C9orf72: variants seen among roughly 807,000 people sequenced by gnomAD.
The protein encoded by C9orf72 is C9orf72-SMCR8 complex subunit, also known as guanine nucleotide exchange factor C9orf72.
In C9orf72, 44 loss-of-function variants were observed where a neutral mutation model predicts 51.6. That is an observed-to-expected ratio of 0.85 (90% confidence interval 0.67 to 1.10). The LOEUF (loss-of-function observed/expected upper bound fraction) is 1.10. C9orf72 is among the 50% of genes least tolerant of loss of function. The pLI, the probability that C9orf72 is intolerant of heterozygous loss-of-function variation, is 0.00. For synonymous variants in C9orf72, 213 were observed against 194.2 expected (o/e 1.10, Z -0.81); for missense variants, 607 against 570.6 (o/e 1.06, Z -0.65).
intron 1 of C9orf72, among the ~76,000 whole-genome samples, chr9:27,573,070 C>G (rs1342793881): frequency 6.6e-6 from 1 of 152,140 alleles, no homozygotes; most frequent in East Asian, 1.9e-4. Flanking sequence ...TTCCCCCAGG[C>G]GAGGCCTCTC....
At chr9:27,558,715 A>T (rs1819269866) in intron 6 of C9orf72, 108 bp from the exon 7 acceptor site, 1 of 608,510 alleles carries the variant, frequency 1.6e-6, no homozygotes, top group Non-Finnish European at 2.8e-6. Flanking sequence ...AACATATCCT[A>T]AGAAATAAGT....
Position 27,558,591 on chromosome 9 carries a change from C to A in C9orf72, c.755G>T (p.Cys252Phe). The A allele has an allele frequency of 2.5e-6, 4 of 1,584,450 alleles. No homozygotes were observed. Among genetic ancestry groups the A allele is most frequent in the Non-Finnish European group, 3.4e-6 (4 of 1,161,802 alleles). Reference sequence around the variant, plus strand: ...TCTCTCTGCTGGAGTCAGAAAAAGGCATAATGTTCTGACTATCTATAAAAG... The same window carrying A: ...TCTCTCTGCTGGAGTCAGAAAAAGGAATAATGTTCTGACTATCTATAAAAG... ...EKVNKIVRTL[C>F]LFLTPAERKC... Residue 252 changes from cysteine (C) to phenylalanine (F), a missense_variant, in exon 7 of 11, where the codon TGC becomes TTC. Cys to Phe is a radical substitution (Grantham distance 205). Transcript: ENST00000380003.
At chr9:27,572,902 A>G (rs1381343897) in intron 1 of C9orf72, among the ~76,000 whole-genome samples, 1 of 152,306 alleles carries the variant, frequency 6.6e-6, no homozygotes. Flanking sequence ...CTCATATGCA[A>G]GTCATCACCA....
At position 27,573,436 on chromosome 9, in the gene C9orf72, C is replaced by A. The variant is rs974012892; in HGVS notation, c.-50G>T. ...GATGCCGCCTCCTCACTCACCCACT[C>A]GCCACCGCCTGCGCCTCCGCCGCCG... On this transcript the variant is annotated 5_prime_UTR_variant, in exon 1 of 11. Coordinates refer to ENST00000380003, the MANE Select transcript of C9orf72 (RefSeq NM_018325.5). The A allele has an allele frequency of 6.6e-6, 1 of 151,086 alleles. No individual in the cohort carries two copies. Among genetic ancestry groups the A allele is most frequent in the South Asian group, 1.8e-4 (1 of 5,406 alleles). 9.4% of individuals were successfully genotyped at this position (151,086 alleles called of 1,614,324 possible).
At chr9:27,550,547 T>G in intron 9 of C9orf72, 103 bp downstream of exon 9, 1 of 664,128 alleles carries the variant, frequency 1.5e-6, no homozygotes, top group South Asian at 2.4e-5. Context: ...CTCTGGGGCA[T>G]GATCCAGGGG....
chr9:27,565,987 T>G (rs1480424972), intron 2 of C9orf72, among the ~76,000 whole-genome samples: 1 of 152,190 alleles, frequency 6.6e-6, no homozygotes, highest in Non-Finnish European at 1.5e-5. Context: ...TAAAAAATTA[T>G]TCTTTTAAAA....
chr9:27,558,398 T>C (rs992948437), intron 7 of C9orf72, 93 bp downstream of exon 7: 7 of 746,072 alleles, frequency 9.4e-6, no homozygotes, highest in Non-Finnish European at 1.6e-5. Context: ...CAATATGAGA[T>C]ACATTAAATG....
chr9:27,552,592 G>C (rs931417864), intron 8 of C9orf72, among the ~76,000 whole-genome samples: 16 of 139,324 alleles, frequency 1.1e-4, no homozygotes, highest in Admixed American at 1.1e-3. Flanking sequence ...CTGGGCTTAA[G>C]AGATATGCCC....
At chr9:27,554,983 A>G (rs1820980440) in intron 8 of C9orf72, among the ~76,000 whole-genome samples, 1 of 152,216 alleles carries the variant, frequency 6.6e-6, no homozygotes, top group South Asian at 2.1e-4. Flanking sequence ...TAAAATACAC[A>G]TACATCCTCT....
chr9:27,572,414 T>C (rs865803354), intron 1 of C9orf72, among the ~76,000 whole-genome samples: 25 of 152,152 alleles, frequency 1.6e-4, no homozygotes, highest in Admixed American at 6.5e-4. Flanking sequence ...ATTCACAGAT[T>C]ATGTTAAAAG....
At chr9:27,565,323 G>T (rs952058951) in intron 3 of C9orf72, among the ~76,000 whole-genome samples, 2 of 151,840 alleles carry the variant, frequency 1.3e-5, no homozygotes, top group African/African-American at 4.8e-5. Context: ...TTAATTTGTA[G>T]ATGCAATTAC....
intron 9 of C9orf72, 67 bp downstream of exon 9, chr9:27,550,583 G>A: frequency 2.1e-6 from 2 of 970,618 alleles, no homozygotes; most frequent in Non-Finnish European, 3.2e-6. Context: ...AACAGGCATT[G>A]TAGGATATAT....
At position 27,559,398 on chromosome 9, in the gene C9orf72, GA is replaced by G. The variant is rs1819286794; in HGVS notation, c.739-792del. ...AGCCACCTGTTTGAGGTAACAGAAG[GA>G]ATAAGGTCACTAGTTCGTAGATGCA... On this transcript the variant is annotated intron_variant, in intron 6 of 10. Transcript: ENST00000380003. The G allele has an allele frequency of 2.0e-5, 3 of 151,946 alleles. 1 individual carries two copies. Among genetic ancestry groups the G allele is most frequent in the Admixed American group, 2.0e-4 (3 of 15,218 alleles). 9.4% of individuals were successfully genotyped at this position (151,946 alleles called of 1,614,324 possible). A position where few individuals can be genotyped will look rare whatever the true frequency, so the allele number is the denominator to read the frequency against.
Position 27,560,237 on chromosome 9 carries a change from T to A in C9orf72, c.728A>T (p.Lys243Ile). Residue 243 changes from lysine to isoleucine, a missense_variant, in exon 6 of 11, where the codon AAA becomes ATA. By Grantham distance (102) the Lys-to-Ile change is moderately radical. Transcript: ENST00000380003. ...CSVVVGSSAE[K>I]VNKIVRTLCL... ...TATAAAATAAACTACCTTATTTACTTTCTCTGCACTGCTACCTACTACAAC... is the reference window on the plus strand; with the variant it reads ...TATAAAATAAACTACCTTATTTACTATCTCTGCACTGCTACCTACTACAAC... 6.2e-7 allele frequency: 1 copy of A among 1,604,292 alleles called. No individual in the cohort carries two copies. The highest frequency in any genetic ancestry group is 1.1e-5 in the South Asian group (1 of 89,928).
intron 3 of C9orf72, among the ~76,000 whole-genome samples, chr9:27,563,055 A>C (rs1445171244): frequency 6.6e-6 from 1 of 150,722 alleles, no homozygotes; most frequent in African/African-American, 2.4e-5. Flanking sequence ...AAAGGTCATC[A>C]ATATATTTCA....
chr9:27,572,007 C>T (rs1819596595), intron 1 of C9orf72, among the ~76,000 whole-genome samples: 1 of 152,200 alleles, frequency 6.6e-6, no homozygotes, highest in South Asian at 2.1e-4. Flanking sequence ...CTAACCTAGT[C>T]CTCCTGGGAA....
chr9:27,562,790 T>C (rs1220828380), intron 3 of C9orf72, among the ~76,000 whole-genome samples: 2 of 151,790 alleles, frequency 1.3e-5, no homozygotes, highest in East Asian at 3.9e-4. Flanking sequence ...TCCTGTCTCA[T>C]CCTCCCAAGT....
intron 8 of C9orf72, among the ~76,000 whole-genome samples, chr9:27,555,737 A>AT (rs1041439844): frequency 7.9e-5 from 12 of 151,694 alleles, no homozygotes; most frequent in East Asian, 5.8e-4. Flanking sequence ...ATTCTTTTTT[A>AT]TTTTTTGTAG....
Position 27,556,725 on chromosome 9 carries a change from A to C in C9orf72, c.927T>G (p.Asp309Glu), listed in dbSNP as rs1164169996. Residue 309 changes from aspartate to glutamate, a missense_variant, in exon 8 of 11, where the codon GAT becomes GAG. Coordinates refer to ENST00000380003, the MANE Select transcript of C9orf72 (RefSeq NM_018325.5). ...MYAPYPTTHI[D>E]VDVNTVKQMP... ...TCTGCTTCACAGTATTGACATCCAC[A>C]TCTATGTGTGTGGTGGGATATGGAG... 6 of 1,614,026 alleles carry C rather than the reference A, an allele frequency of 3.7e-6. No individual in the cohort carries two copies. The South Asian group carries it at 6.6e-5, about 18-fold the overall frequency.
Sources: gnomAD v4.1 joint callset for allele counts (sites outside exome capture counted in the v4.1 genomes callset) on GRCh38, gnomAD v4.1.1 for gene constraint, MANE v1.5 for transcripts, NCBI Gene and HGNC (gene_info 2026-07-23, HGNC 2026-07-21) for gene names.